CDH13: variants seen among roughly 807,000 people sequenced by gnomAD.
The protein encoded by CDH13 is cadherin-13.
A neutral mutation model predicts 63.8 loss-of-function variants in CDH13; 24 were observed. The ratio of observed to expected loss-of-function variants is 0.38; its 90% CI spans 0.27 to 0.53. The LOEUF is 0.53. Among genes scored for constraint, CDH13 ranks in the 20% least tolerant of loss-of-function variants. The pLI is 0.85. For missense variants in CDH13, 1,049 were observed against 903.1 expected, an observed-to-expected ratio of 1.16 and a Z score of -2.07; for synonymous variants, 503 against 355.3, an observed-to-expected ratio of 1.42 and a Z score of -4.67.
chr16:83,353,256 T>C (rs954772205), intron 6 of CDH13, among the ~76,000 whole-genome samples: 4 of 152,226 alleles, frequency 2.6e-5, no homozygotes, highest in Non-Finnish European at 5.9e-5. Context: ...GCCAAGTTGC[T>C]CCTAACTATG....
rs61647390 is a variant in CDH13, at chr16:83,260,097, T to TACACACACAC, written c.636+42637_636+42646dup. Among the ~76,000 whole-genome samples the TACACACACAC allele has an allele frequency of 8.1e-3, 1,024 of 126,506 alleles. 30 individuals are homozygous for TACACACACAC. Among genetic ancestry groups the TACACACACAC allele is most frequent in the Admixed American group, 0.038 (467 of 12,362 alleles). The allele number at this position is 126,506 out of a possible 152,430, so 83.0% of individuals were successfully genotyped here. On this transcript the variant is annotated intron_variant, in intron 5 of 13. Coordinates refer to ENST00000567109, the MANE Select transcript of CDH13 (RefSeq NM_001257.5). ...TTTTTTTGTAACCATGTACCCCCAA[T>TACACACACAC]ACACACACACACACACACACACACA... is the stretch of plus-strand genomic sequence containing the variant.
chr16:83,228,011 A>C (rs2039893348), intron 5 of CDH13, among the ~76,000 whole-genome samples: 1 of 152,132 alleles, frequency 6.6e-6, no homozygotes, highest in Non-Finnish European at 1.5e-5. Context: ...CGGAGCCGAT[A>C]AAAGATATAG....
chr16:83,654,122 G>A (rs144251715), intron 8 of CDH13, among the ~76,000 whole-genome samples: 285 of 152,218 alleles, frequency 1.9e-3, no homozygotes, highest in African/African-American at 6.6e-3. Context: ...GGATAAAAGT[G>A]TGGATAGAGG....
At chr16:83,598,288 C>T (rs2150745420) in intron 7 of CDH13, among the ~76,000 whole-genome samples, 1 of 152,164 alleles carries the variant, frequency 6.6e-6, no homozygotes, top group South Asian at 2.1e-4. Flanking sequence ...TTGTTTGAGC[C>T]AGGAAAATAG....
chr16:83,153,789 G>A (rs2037089607), intron 4 of CDH13, among the ~76,000 whole-genome samples: 1 of 152,312 alleles, frequency 6.6e-6, no homozygotes, highest in East Asian at 1.9e-4. Flanking sequence ...GACAGGAAAT[G>A]TCTGTTTAAG....
intron 5 of CDH13, among the ~76,000 whole-genome samples, chr16:83,334,050 T>G (rs1213764390): frequency 6.6e-6 from 1 of 152,102 alleles, no homozygotes; most frequent in East Asian, 1.9e-4. Flanking sequence ...CCCATTTCCT[T>G]GCCTTTTCTA....
At chr16:83,189,979 T>G (rs2038646167) in intron 4 of CDH13, among the ~76,000 whole-genome samples, 1 of 152,080 alleles carries the variant, frequency 6.6e-6, no homozygotes, top group East Asian at 1.9e-4. Context: ...AGACGTGACT[T>G]TGCTCCTCAT....
chr16:82,775,919 G>C (rs1339991946), intron 1 of CDH13, among the ~76,000 whole-genome samples: 4 of 152,108 alleles, frequency 2.6e-5, no homozygotes, highest in African/African-American at 9.7e-5. Context: ...GTAAGAAAGG[G>C]CACTATCAGG....
chr16:83,212,723 C>G (rs1453317520), intron 4 of CDH13, among the ~76,000 whole-genome samples: 1 of 152,168 alleles, frequency 6.6e-6, no homozygotes, highest in Non-Finnish European at 1.5e-5. Flanking sequence ...GGTCTTCAAA[C>G]TTGGGTATGC....
At chr16:83,381,825 G>C (rs2091572938) in intron 6 of CDH13, among the ~76,000 whole-genome samples, 2 of 151,636 alleles carry the variant, frequency 1.3e-5, no homozygotes, top group South Asian at 4.2e-4. Flanking sequence ...TTGGCTTTTA[G>C]AGACAGACTG....
At chr16:83,512,381 A>T (rs1021743087) in intron 7 of CDH13, among the ~76,000 whole-genome samples, 1 of 147,616 alleles carries the variant, frequency 6.8e-6, no homozygotes, top group Non-Finnish European at 1.5e-5. Context: ...AAATAAAAAT[A>T]AAGGAAGGGC....
intron 1 of CDH13, chr16:82,773,529 A>C (rs1182814075): frequency 1.3e-5 from 2 of 152,240 alleles, no homozygotes; most frequent in African/African-American, 4.8e-5. Context: ...GGTAGGTCTC[A>C]GCTTTGTATT....
At chr16:82,775,341 A>C (rs1296191194) in intron 1 of CDH13, among the ~76,000 whole-genome samples, 1 of 152,206 alleles carries the variant, frequency 6.6e-6, no homozygotes, top group Non-Finnish European at 1.5e-5. Flanking sequence ...TCACGTGTGG[A>C]TATCAAGTCC....
chr16:83,481,914 A>T (rs12925054), intron 6 of CDH13, among the ~76,000 whole-genome samples: 15,521 of 152,238 alleles, frequency 0.1, 886 homozygotes, highest in Non-Finnish European at 0.13. Flanking sequence ...AAAGTGGTGG[A>T]CATGGAGTCC....
At chr16:82,835,306 C>A (rs552789135) in intron 1 of CDH13, among the ~76,000 whole-genome samples, 19 of 152,310 alleles carry the variant, frequency 1.2e-4, no homozygotes, top group African/African-American at 4.3e-4. Context: ...GAGCTGGAAC[C>A]AATTTATGCT....
intron 3 of CDH13, among the ~76,000 whole-genome samples, chr16:83,090,915 C>A (rs1378023506): frequency 6.6e-6 from 1 of 150,768 alleles, no homozygotes; most frequent in African/African-American, 2.4e-5. Context: ...CATTTGGGAA[C>A]CCCCAGCAAA....
At chr16:83,628,225 A>G (rs1397374518) in intron 8 of CDH13, among the ~76,000 whole-genome samples, 2 of 152,140 alleles carry the variant, frequency 1.3e-5, no homozygotes, top group Non-Finnish European at 2.9e-5. Context: ...CCTGTTCAAG[A>G]TGGTGTTGAT....
At chr16:83,507,512 C>T (rs1164333747) in intron 7 of CDH13, among the ~76,000 whole-genome samples, 1 of 152,080 alleles carries the variant, frequency 6.6e-6, no homozygotes, top group Non-Finnish European at 1.5e-5. Context: ...CTTAACAGTA[C>T]AATAATGATA....
At chr16:83,743,234 G>A (rs1390753523) in intron 10 of CDH13, among the ~76,000 whole-genome samples, 1 of 151,866 alleles carries the variant, frequency 6.6e-6, no homozygotes, top group Non-Finnish European at 1.5e-5. Flanking sequence ...TAAGCAAACA[G>A]AGGGGAGCAG....
Sources: gnomAD v4.1 joint callset for allele counts (sites outside exome capture counted in the v4.1 genomes callset) on GRCh38, gnomAD v4.1.1 for gene constraint, MANE v1.5 for transcripts, NCBI Gene and HGNC (gene_info 2026-07-23, HGNC 2026-07-21) for gene names.